Variants in SCARF1 observed in about 807,000 individuals in gnomAD.
SCARF1 encodes the protein scavenger receptor class F member 1, also known as acetyl LDL receptor.
In SCARF1, 49 loss-of-function variants were observed where a neutral mutation model predicts 76.3. The observed-to-expected ratio is 0.64, with a 90% confidence interval of 0.51 to 0.81. The LOEUF is 0.81. Ranked by LOEUF, SCARF1 falls within the 40% of genes least tolerant of loss-of-function variation. The probability of loss-of-function intolerance (pLI) is 0.00; values close to 1 mark genes in which losing one functional copy is unlikely to be tolerated. For synonymous variants in SCARF1, 495 were observed against 474.6 expected, an observed-to-expected ratio of 1.04 and a Z score of -0.56; for missense variants, 1,098 against 1,143.9, an observed-to-expected ratio of 0.96 and a Z score of 0.58.
Position 1,637,040 on chromosome 17 carries a change from C to T in SCARF1, c.1387G>A (p.Val463Met), listed in dbSNP as rs369633804. 258 of 1,613,888 alleles carry T rather than the reference C, an allele frequency of 1.6e-4. No individual in the cohort carries two copies. Among genetic ancestry groups the T allele is most frequent in the East Asian group, 2.0e-4 (9 of 44,884 alleles). The change falls in exon 9 of 11, where the codon GTG (valine) becomes ATG (methionine). Residue 463 changes from valine to methionine, a missense_variant. Val to Met is a conservative substitution (Grantham distance 21). Coordinates refer to ENST00000263071, the MANE Select transcript of SCARF1 (RefSeq NM_003693.4). ...KDRPARDGAT[V>M]SRMKLQVWGT... ...CAGACCTGCAGCTTCATCCTGGACA[C>T]GGTAGCTCCATCTCTCGCTGGCCTG... is the stretch of plus-strand genomic sequence containing the variant.
chr17:1,640,501 A>G lies in SCARF1; in HGVS notation c.957T>C (p.Cys319=), dbSNP rs766995354. Residue 319 remains cysteine (C), a synonymous_variant, in exon 5 of 11, where the codon TGT becomes TGC. Coordinates refer to ENST00000263071, the MANE Select transcript of SCARF1 (RefSeq NM_003693.4). This position sits in a 1 kb window ranked among gnomAD's most constrained non-coding sequence, Gnocchi z 4.7. ...GCTGACAGTGGCCAGTATCTGGCTCACAGGCCTCCCCATGTCGGCAGTGAG... is the reference window on the plus strand; with the variant it reads ...GCTGACAGTGGCCAGTATCTGGCTCGCAGGCCTCCCCATGTCGGCAGTGAG... ...QCPHCRHGEA[C]EPDTGHCQRC... is the part of the protein sequence containing the mutation. 1.3e-6 allele frequency: 2 copies of G among 1,584,194 alleles called. No individual in the cohort carries two copies. Among genetic ancestry groups the G allele is most frequent in the South Asian group, 2.3e-5 (2 of 87,696 alleles).
chr17:1,643,765 C>G lies in SCARF1; in HGVS notation c.468G>C (p.Ser156=), dbSNP rs945444264. Residue 156 remains serine, a synonymous_variant, in exon 4 of 11, where the codon TCG becomes TCC. Transcript: ENST00000263071. ...ACTGGCACGGGCGGCGGCACGTGGA[C>G]GACCACCAGCCGGGTTCGCAGTGGC... The part of the protein sequence containing the change: ...GVCHCEPGWW[S]STCRRPCQCN... The G allele has an allele frequency of 3.5e-5, 45 of 1,283,952 alleles. No homozygotes were observed. Among genetic ancestry groups the G allele is most frequent in the Non-Finnish European group, 4.3e-5 (44 of 1,019,616 alleles). 79.5% of individuals were successfully genotyped at this position (1,283,952 alleles called of 1,614,324 possible).
At position 1,639,654 on chromosome 17, in the gene SCARF1, C is replaced by T. The variant is rs1442790918; in HGVS notation, c.1228G>A (p.Gly410Arg). 9.6e-6 allele frequency: 15 copies of T among 1,570,650 alleles called. No individual in the cohort carries two copies. Among genetic ancestry groups the T allele is most frequent in the Non-Finnish European group, 1.2e-5 (14 of 1,157,692 alleles). The part of the protein sequence containing the change: ...CPEGLCHPVS[G>R]SCQPGSGSRD... ...TCCACCTTACCTGGCTGGCAGGACC[C>T]AGAGACAGGGTGGCAGAGTCCCTCT... is the stretch of plus-strand genomic sequence containing the variant. The change falls in exon 7 of 11, where the codon GGG (glycine) becomes AGG (arginine). Residue 410 changes from glycine to arginine, a missense_variant. Coordinates refer to ENST00000263071, the MANE Select transcript of SCARF1 (RefSeq NM_003693.4).
intron 8 of SCARF1, 137 bp from the exon 9 acceptor site, chr17:1,637,199 A>T (rs1282450217): frequency 4.3e-6 from 4 of 934,264 alleles, no homozygotes; most frequent in African/African-American, 3.3e-5. Context: ...AATAAAATCC[A>T]AATGATTGAG....
At position 1,643,595 on chromosome 17, in the gene SCARF1, C is replaced by A. The variant is rs1315178555; in HGVS notation, c.638G>T (p.Gly213Val). 1 of 1,474,354 alleles carries A rather than the reference C, an allele frequency of 6.8e-7. No homozygotes were observed. The highest frequency in any genetic ancestry group is 8.9e-7 in the Non-Finnish European group (1 of 1,120,462). 91.3% of individuals were successfully genotyped at this position (1,474,354 alleles called of 1,614,324 possible). A position where few individuals can be genotyped will look rare whatever the true frequency, so the allele number is the denominator to read the frequency against. ...CTGCTGGCATTCGGGACCCCACCAG[C>A]CCGGCCGGCAGGCGCAGCGGCCGGA... ...QDSGRCACRP[G>V]WWGPECQQQC... The change falls in exon 4 of 11, where the codon GGC becomes GTC. Residue 213 changes from glycine to valine, a missense_variant. Physicochemically the swap from Gly to Val is moderately radical, Grantham distance 109. Transcript: ENST00000263071.
chr17:1,637,890 G>GCAGT (rs1454925260), intron 8 of SCARF1, among the ~76,000 whole-genome samples: 1 of 152,188 alleles, frequency 6.6e-6, no homozygotes, highest in Non-Finnish European at 1.5e-5. Context: ...CTTTGCACCT[G>GCAGT]TCCTCGTGTC....
intron 4 of SCARF1, among the ~76,000 whole-genome samples, chr17:1,642,834 C>T (rs1378740108): frequency 6.6e-6 from 1 of 152,132 alleles, no homozygotes; most frequent in Non-Finnish European, 1.5e-5. Context: ...TCTCAGCCTA[C>T]CGAATACCTG....
rs1909966619 is a variant in SCARF1 at position 1,640,553 on chromosome 17, A to G, written c.905T>C (p.Phe302Ser). The G allele has an allele frequency of 5.0e-6, 8 of 1,609,282 alleles. No homozygotes were observed. The highest frequency in any genetic ancestry group is 6.8e-6 in the Non-Finnish European group (8 of 1,178,250). The change falls in exon 5 of 11, where the codon TTT becomes TCT. Residue 302 changes from phenylalanine (F) to serine (S), a missense_variant. Coordinates refer to ENST00000263071, the MANE Select transcript of SCARF1 (RefSeq NM_003693.4). This position sits in a 1 kb window ranked among gnomAD's most constrained non-coding sequence, Gnocchi z 4.7. ...QCQQPCLPGT[F>S]GESCEQQCPH... ...GCACTGCTGTTCGCAGCTCTCGCCA[A>G]AGGTGCCAGGCAGGCAGGGCTGCTG... is the stretch of plus-strand genomic sequence containing the variant.
Position 1,643,804 on chromosome 17 carries a change from G to A in SCARF1, c.429C>T (p.Pro143=), listed in dbSNP as rs1024444535. 5 of 1,266,338 alleles carry A rather than the reference G, an allele frequency of 3.9e-6. No homozygotes were observed. The highest frequency in any genetic ancestry group is 3.0e-4 in the Middle Eastern group (1 of 3,332). The allele number at this position is 1,266,338 out of a possible 1,614,324, so 78.4% of individuals were successfully genotyped here. Residue 143 remains proline (P), a synonymous_variant, in exon 4 of 11, where the codon CCC becomes CCT. Transcript: ENST00000263071. ...GTTCGCAGTGGCACACGCCGGTCGC[G>A]GGGTCGCAGCGCCCGTGGGGGCCGC... ...CACGPHGRCD[P]ATGVCHCEPG... is the part of the protein sequence containing the mutation.
At position 1,645,552 on chromosome 17, in the gene SCARF1, A is replaced by T; in HGVS notation, c.101+45T>A. 6.3e-7 allele frequency: 1 copy of T among 1,581,086 alleles called. No homozygotes were observed. Among genetic ancestry groups the T allele is most frequent in the Non-Finnish European group, 8.6e-7 (1 of 1,169,206 alleles). ...CAGCCACCCGCATCAGACTCCCACG[A>T]GACCCACCTGCTGGCCACACGCATC... On this transcript the variant is annotated intron_variant, in intron 1 of 10. Transcript: ENST00000263071. The surrounding 1 kb of genome is among the most constrained non-coding windows in gnomAD (Gnocchi z 6.3).
rs372297766 is a variant in SCARF1 at position 1,637,045 on chromosome 17, G to A, written c.1382C>T (p.Ala461Val). 1.2e-6 allele frequency: 2 copies of A among 1,613,850 alleles called. No homozygotes were observed. The highest frequency in any genetic ancestry group is 2.7e-5 in the African/African-American group (2 of 74,892). ...DLKDRPARDGATVSRMKLQVW... is the reference protein window; with the variant it reads ...DLKDRPARDGVTVSRMKLQVW... ...CTGCAGCTTCATCCTGGACACGGTAGCTCCATCTCTCGCTGGCCTGAGGGA... is the reference window on the plus strand; with the variant it reads ...CTGCAGCTTCATCCTGGACACGGTAACTCCATCTCTCGCTGGCCTGAGGGA... Residue 461 changes from alanine (A) to valine (V), a missense_variant, in exon 9 of 11, where the codon GCT becomes GTT. Ala to Val is a moderately conservative substitution (Grantham distance 64). Transcript: ENST00000263071.
intron 7 of SCARF1, 60 bp from the exon 8 acceptor site, chr17:1,638,986 T>G (rs200702872): frequency 3.4e-6 from 5 of 1,470,316 alleles, no homozygotes; most frequent in Non-Finnish European, 4.6e-6. Flanking sequence ...ATCCTGTCTT[T>G]GCTCTGAGTT....
rs370054123 is a variant in SCARF1, at chr17:1,637,103, C to G, written c.1365-41G>C. ...AGGGACACTGGTCAGTACATGAGAC[C>G]CACGGTGACCTGGGTCACCTTGGCA... On this transcript the variant is annotated intron_variant, in intron 8 of 10. Coordinates refer to ENST00000263071, the MANE Select transcript of SCARF1 (RefSeq NM_003693.4). 1.2e-4 allele frequency: 199 copies of G among 1,599,108 alleles called. No homozygotes were observed. The Middle Eastern group carries it at 2.7e-3, about 22-fold the overall frequency.
At chr17:1,637,153 ACTTCAGTGG>A in intron 8 of SCARF1, 91 bp from the exon 9 acceptor site, 4 of 1,406,830 alleles carry the variant, frequency 2.8e-6, no homozygotes, top group Non-Finnish European at 3.9e-6. Context: ...GACTGCCTCT[ACTTCAGTGG>A]CTTCAGTGGC....
In SCARF1 at chr17:1,643,846, G is replaced by A; in HGVS notation, c.387C>T (p.Cys129=). The part of the protein sequence containing the change: ...QCQADRWGAR[C]EFPCACGPHG... ...GGGGGCCGCAGGCGCACGGGAACTC[G>A]CAGCGGGCTCCCCAGCGGTCGGCCT... Residue 129 remains cysteine, a synonymous_variant, in exon 4 of 11, where the codon TGC becomes TGT. Transcript: ENST00000263071. The A allele has an allele frequency of 2.4e-6, 3 of 1,271,930 alleles. No individual in the cohort carries two copies. The highest frequency in any genetic ancestry group is 3.0e-6 in the Non-Finnish European group (3 of 1,012,026). 78.8% of individuals were successfully genotyped at this position (1,271,930 alleles called of 1,614,324 possible).
At chr17:1,639,509 GAAA>G (rs34632795) in intron 7 of SCARF1, 127 bp downstream of exon 7, 9,831 of 547,794 alleles carry the variant, frequency 0.018, no homozygotes, top group Non-Finnish European at 0.02. Context: ...CGTCTTAAGG[GAAA>G]AAAAAAAAAA....
chr17:1,639,555 C>A, intron 7 of SCARF1, 84 bp downstream of exon 7: 1 of 911,288 alleles, frequency 1.1e-6, no homozygotes, highest in Non-Finnish European at 1.7e-6. Context: ...GCCCAGACTC[C>A]CTGGTGAGGA....
rs1909409541 is a variant in SCARF1, at chr17:1,634,985, A to C, written c.2266T>G (p.Ser756Ala). 6.2e-7 allele frequency: 1 copy of C among 1,613,436 alleles called. No homozygotes were observed. Among genetic ancestry groups the C allele is most frequent in the Admixed American group, 1.7e-5 (1 of 59,964 alleles). Reference protein sequence around the residue: ...ASGSVGQSPNSAPKAGLPGAT... With the variant: ...ASGSVGQSPNAAPKAGLPGAT... Reference sequence around the variant, plus strand: ...CCAGGAAGCCCAGCTTTTGGGGCTGAGTTGGGGCTCTGGCCGACAGAGCCA... The same window carrying C: ...CCAGGAAGCCCAGCTTTTGGGGCTGCGTTGGGGCTCTGGCCGACAGAGCCA... Residue 756 changes from serine (S) to alanine (A), a missense_variant, in exon 11 of 11, where the codon TCA (serine) becomes GCA (alanine). By Grantham distance (99) the Ser-to-Ala change is moderately conservative. Transcript: ENST00000263071.
chr17:1,636,395 G>A (rs1215161421), intron 10 of SCARF1, among the ~76,000 whole-genome samples: 1 of 152,190 alleles, frequency 6.6e-6, no homozygotes, highest in Admixed American at 6.6e-5. Flanking sequence ...AGCACTCTGG[G>A]AGGCTGAGGC....
Sources: gnomAD v4.1 joint callset for allele counts (sites outside exome capture counted in the v4.1 genomes callset) on GRCh38, gnomAD v4.1.1 for gene constraint, Gnocchi (gnomAD v3.1) non-coding constraint, MANE v1.5 for transcripts, NCBI Gene and HGNC (gene_info 2026-07-23, HGNC 2026-07-21) for gene names.